Variants in VGLL3 observed in about 807,000 individuals in gnomAD.
VGLL3 encodes the protein vestigial like family member 3.
In VGLL3, 18 loss-of-function variants were observed where a neutral mutation model predicts 29.2. That is an observed-to-expected ratio of 0.62 (90% CI 0.43 to 0.91). The LOEUF (loss-of-function observed/expected upper bound fraction) is 0.91, where lower values mean the gene tolerates loss of function less well. Among genes scored for constraint, VGLL3 ranks in the 40% least tolerant of loss-of-function variants. The pLI, the probability that VGLL3 is intolerant of heterozygous loss-of-function variation, is 0.00. For synonymous variants in VGLL3, 180 were observed against 151.8 expected (o/e 1.19, Z -1.36); for missense variants, 440 against 413.2 (o/e 1.06, Z -0.56).
In VGLL3 at chr3:86,968,624, T is replaced by C; in HGVS notation, c.903A>G (p.Thr301=). ...TSAWAGAFHG[T]VDIVPSVGFD... ...ATCCCACGCTGGGCACTATGTCTAC[T>C]GTTCCATGAAAGGCTCCAGCCCATG... The change falls in exon 3 of 4, where the codon ACA becomes ACG. Residue 301 remains threonine (T), a synonymous_variant. Coordinates refer to ENST00000398399, the MANE Select transcript of VGLL3 (RefSeq NM_016206.4). 1.9e-6 allele frequency: 3 copies of C among 1,614,156 alleles called. No homozygotes were observed. The highest frequency in any genetic ancestry group is 2.5e-6 in the Non-Finnish European group (3 of 1,180,048).
chr3:86,940,187 G>A lies in VGLL3; in HGVS notation c.*6837C>T, dbSNP rs1376505067. ...AATAAGAAAATTGAAGGCCCACTTAGAGAAACTCTAGCTTTCTTCAGAATA... is the reference window on the plus strand; with the variant it reads ...AATAAGAAAATTGAAGGCCCACTTAAAGAAACTCTAGCTTTCTTCAGAATA... On this transcript the variant is annotated 3_prime_UTR_variant, in exon 4 of 4. Coordinates refer to ENST00000398399, the MANE Select transcript of VGLL3 (RefSeq NM_016206.4). The A allele has an allele frequency of 6.6e-6, 1 of 152,166 alleles. No homozygotes were observed. The highest frequency in any genetic ancestry group is 2.4e-5 in the African/African-American group (1 of 41,440). 9.4% of individuals were successfully genotyped at this position (152,166 alleles called of 1,614,324 possible). A position where few individuals can be genotyped will look rare whatever the true frequency, so the allele number is the denominator to read the frequency against.
intron 1 of VGLL3, among the ~76,000 whole-genome samples, chr3:86,988,834 A>G (rs1705517004): frequency 6.6e-6 from 1 of 151,828 alleles, no homozygotes. Flanking sequence ...CAATCAATGT[A>G]GATAAATTGT....
chr3:86,969,751 G>A (rs542504007), intron 2 of VGLL3, among the ~76,000 whole-genome samples: 6 of 150,144 alleles, frequency 4.0e-5, no homozygotes, highest in Non-Finnish European at 5.9e-5. Context: ...TCTCTAGACC[G>A]AGAATAAAAA....
rs370558053 is a variant in VGLL3 at position 86,968,610 on chromosome 3, G to C, written c.917C>G (p.Pro306Arg). ...GAFHGTVDIVPSVGFDTGLQH... is the reference protein window; with the variant it reads ...GAFHGTVDIVRSVGFDTGLQH... ...CTTACCTGTATCGAATCCCACGCTG[G>C]GCACTATGTCTACTGTTCCATGAAA... is the stretch of plus-strand genomic sequence containing the variant. The change falls in exon 3 of 4, where the codon CCC becomes CGC. Residue 306 changes from proline (P) to arginine (R), a missense_variant. By Grantham distance (103) the Pro-to-Arg change is moderately radical (BLOSUM62 -2). Transcript: ENST00000398399. The C allele has an allele frequency of 2.5e-5, 41 of 1,613,636 alleles. No homozygotes were observed. In the African/African-American group the frequency reaches 5.2e-4, roughly 20 times the overall value.
At chr3:86,956,146 T>A (rs780462279) in intron 3 of VGLL3, among the ~76,000 whole-genome samples, 10 of 152,244 alleles carry the variant, frequency 6.6e-5, no homozygotes, top group Non-Finnish European at 1.2e-4. Context: ...TATAAAATTG[T>A]CAGGGAACAA....
Position 86,990,991 on chromosome 3 carries a change from T to C in VGLL3, c.-248A>G. On this transcript the variant is annotated 5_prime_UTR_variant, in exon 1 of 4. It adds an upstream start codon to the 5' untranslated region. Transcript: ENST00000398399. ...CCCTCCGGATGTTCCCTGCCGCGCT[T>C]ATATAGCGGCTCAGGGACGCAGCCG... 1.0e-6 allele frequency: 1 copy of C among 979,158 alleles called. No homozygotes were observed. Among genetic ancestry groups the C allele is most frequent in the Non-Finnish European group, 1.2e-6 (1 of 812,544 alleles). The allele number at this position is 979,158 out of a possible 1,614,324, so 60.7% of individuals were successfully genotyped here. A position where few individuals can be genotyped will look rare whatever the true frequency, so the allele number is the denominator to read the frequency against.
At chr3:86,974,445 A>G (rs1705167582) in intron 2 of VGLL3, among the ~76,000 whole-genome samples, 1 of 152,170 alleles carries the variant, frequency 6.6e-6, no homozygotes, top group East Asian at 1.9e-4. Flanking sequence ...ATGGAAAGAA[A>G]TGAAATTCTT....
At chr3:86,985,590 G>A (rs1705423598) in intron 1 of VGLL3, among the ~76,000 whole-genome samples, 1 of 152,178 alleles carries the variant, frequency 6.6e-6, no homozygotes, top group Admixed American at 6.5e-5. Context: ...TCTAGCAGCA[G>A]CTGTTTGGGT....
Position 86,968,845 on chromosome 3 carries a change from G to A in VGLL3, c.682C>T (p.Arg228Trp), listed in dbSNP as rs1032057055. The change falls in exon 3 of 4, where the codon CGG (arginine) becomes TGG (tryptophan). Residue 228 changes from arginine (R) to tryptophan (W), a missense_variant. By Grantham distance (101) the Arg-to-Trp change is moderately radical. Coordinates refer to ENST00000398399, the MANE Select transcript of VGLL3 (RefSeq NM_016206.4). ...SYSHMHDVYM[R>W]HHHPHAHMHH... ...ATGTGGGCATGAGGGTGGTGGTGCC[G>A]CATGTACACGTCATGCATATGGCTG... The A allele has an allele frequency of 1.4e-5, 23 of 1,614,022 alleles. No homozygotes were observed. Among genetic ancestry groups the A allele is most frequent in the East Asian group, 8.9e-5 (4 of 44,878 alleles).
At position 86,947,044 on chromosome 3, in the gene VGLL3, T is replaced by TA. The variant is rs1287327070; in HGVS notation, c.960dup (p.Lys321Ter). On this transcript the variant is annotated frameshift_variant, in exon 4 of 4. Transcript: ENST00000398399. LOFTEE classifies it high-confidence loss of function. ...GTGTTTCAGTACCACGGTGATTCCTTACTCTTGTCTTGATGCTGTAGACCT... is the reference window on the plus strand; with the variant it reads ...GTGTTTCAGTACCACGGTGATTCCTTAACTCTTGTCTTGATGCTGTAGACCT... 1 of 780,682 alleles carries TA rather than the reference T, an allele frequency of 1.3e-6. No individual in the cohort carries two copies. The highest frequency in any genetic ancestry group is 2.4e-6 in the Non-Finnish European group (1 of 417,888). The allele number at this position is 780,682 out of a possible 1,614,324, so 48.4% of individuals were successfully genotyped here.
intron 1 of VGLL3, among the ~76,000 whole-genome samples, chr3:86,979,989 C>T (rs918541031): frequency 3.3e-5 from 5 of 152,076 alleles, no homozygotes; most frequent in Admixed American, 3.3e-4. Flanking sequence ...TCACTGAGCA[C>T]ATATTCCATT....
rs2232711 is a variant in VGLL3, at chr3:86,940,210, A to G, written c.*6814T>C. Reference sequence around the variant, plus strand: ...TAGAGAAACTCTAGCTTTCTTCAGAATACAAGGTCTTGGAATTCTCTTTTC... The same window carrying G: ...TAGAGAAACTCTAGCTTTCTTCAGAGTACAAGGTCTTGGAATTCTCTTTTC... On this transcript the variant is annotated 3_prime_UTR_variant, in exon 4 of 4. Coordinates refer to ENST00000398399, the MANE Select transcript of VGLL3 (RefSeq NM_016206.4). 1 of 152,214 alleles carries G rather than the reference A, an allele frequency of 6.6e-6. No individual in the cohort carries two copies. Among genetic ancestry groups the G allele is most frequent in the Non-Finnish European group, 1.5e-5 (1 of 68,032 alleles). 9.4% of individuals were successfully genotyped at this position (152,214 alleles called of 1,614,324 possible).
Position 86,938,202 on chromosome 3 carries a change from G to A in VGLL3, c.*8822C>T, listed in dbSNP as rs186576377. On this transcript the variant is annotated 3_prime_UTR_variant, in exon 4 of 4. Coordinates refer to ENST00000398399, the MANE Select transcript of VGLL3 (RefSeq NM_016206.4). ...TTTAAGGTATACGATATGATGATTTGATATAGGTAAACATTGTGTAATCAT... is the reference window on the plus strand; with the variant it reads ...TTTAAGGTATACGATATGATGATTTAATATAGGTAAACATTGTGTAATCAT... 6.6e-6 allele frequency: 1 copy of A among 152,234 alleles called. No individual in the cohort carries two copies. Among genetic ancestry groups the A allele is most frequent in the Non-Finnish European group, 1.5e-5 (1 of 68,012 alleles). 9.4% of individuals were successfully genotyped at this position (152,234 alleles called of 1,614,324 possible).
At chr3:86,962,366 C>T in intron 3 of VGLL3, 16 of 985,292 alleles carry the variant, frequency 1.6e-5, no homozygotes, top group Non-Finnish European at 1.9e-5. Flanking sequence ...TACACTTGCA[C>T]AGCCCTCACA....
chr3:86,974,633 GAC>G (rs1705171182), intron 2 of VGLL3, among the ~76,000 whole-genome samples: 1 of 152,146 alleles, frequency 6.6e-6, no homozygotes, highest in Admixed American at 6.5e-5. Flanking sequence ...ATTATTAGCT[GAC>G]ACACTATTCT....
chr3:86,989,923 T>C (rs937370462), intron 1 of VGLL3, among the ~76,000 whole-genome samples: 7 of 152,198 alleles, frequency 4.6e-5, no homozygotes, highest in African/African-American at 1.7e-4. Flanking sequence ...CAGTTACTCT[T>C]GGAAGAGTGG....
intron 1 of VGLL3, 49 bp from the exon 2 acceptor site, chr3:86,978,851 G>T: frequency 6.7e-7 from 1 of 1,500,918 alleles, no homozygotes; most frequent in Non-Finnish European, 8.9e-7. Context: ...TTGTAGAAAA[G>T]CATTCACTAG....
chr3:86,964,082 T>C (rs1367366417), intron 3 of VGLL3, among the ~76,000 whole-genome samples: 3 of 152,142 alleles, frequency 2.0e-5, no homozygotes, highest in African/African-American at 7.2e-5. Flanking sequence ...CAGGAGTGAA[T>C]TTTTCAGTGG....
At chr3:86,958,896 A>T (rs1704779666) in intron 3 of VGLL3, among the ~76,000 whole-genome samples, 1 of 152,192 alleles carries the variant, frequency 6.6e-6, no homozygotes, top group Non-Finnish European at 1.5e-5. Flanking sequence ...TCCTCAGTGG[A>T]AAATAGGCTT....
Sources: allele counts gnomAD v4.1 joint callset (sites outside exome capture counted in the v4.1 genomes callset), GRCh38; gene constraint gnomAD v4.1.1; transcripts MANE v1.5; gene names NCBI Gene and HGNC (gene_info 2026-07-23, HGNC 2026-07-21).